FAM135B: variants seen among roughly 807,000 people sequenced by gnomAD.
FAM135B encodes the protein protein FAM135B.
A neutral mutation model predicts 127.7 loss-of-function variants in FAM135B; 43 were observed. The observed-to-expected ratio is 0.34, with a 90% CI of 0.26 to 0.43. FAM135B has a LOEUF of 0.43. FAM135B is among the 20% of genes least tolerant of loss of function. FAM135B has a pLI of 1.00. For missense variants in FAM135B, 1,558 were observed against 1,725.6 expected (o/e 0.90, Z 1.72); for synonymous variants, 670 against 665.1 (o/e 1.01, Z -0.11).
In FAM135B at chr8:138,152,796, T is replaced by C. The variant is rs1049797645; in HGVS notation, c.1679A>G (p.Asn560Ser). ...VLTYIDVKSS[N>S]KNPSRAEPLV... ...GGGTTCAGCTCTGGAGGGGTTCTTA[T>C]TGCTAGATTTTACGTCAATGTAGGT... The change falls in exon 13 of 20, where the codon AAT becomes AGT. Residue 560 changes from asparagine to serine, a missense_variant. Around this residue, in one of 5 missense-constraint regions of FAM135B, gnomAD observed 923 missense variants for 865.3 expected, o/e 1.07. Transcript: ENST00000395297. 4 of 1,614,184 alleles carry C rather than the reference T, an allele frequency of 2.5e-6. No homozygotes were observed. The highest frequency in any genetic ancestry group is 2.5e-6 in the Non-Finnish European group (3 of 1,180,036).
intron 1 of FAM135B, among the ~76,000 whole-genome samples, chr8:138,386,662 T>C (rs1832237615): frequency 6.6e-6 from 1 of 152,262 alleles, no homozygotes; most frequent in Non-Finnish European, 1.5e-5. Flanking sequence ...AACCTATTTT[T>C]GGCATGAATT....
chr8:138,472,026 C>T (rs1313465564), intron 1 of FAM135B, among the ~76,000 whole-genome samples: 1 of 151,960 alleles, frequency 6.6e-6, no homozygotes, highest in Non-Finnish European at 1.5e-5. Flanking sequence ...AATTAGAAGA[C>T]TGGTGATTTG....
intron 2 of FAM135B, among the ~76,000 whole-genome samples, chr8:138,323,699 T>C (rs796544770): frequency 3.3e-5 from 5 of 152,330 alleles, no homozygotes; most frequent in African/African-American, 1.2e-4. Context: ...CACTTCTTAC[T>C]GTGGGATCTG....
chr8:138,373,766 G>C (rs551031632), intron 1 of FAM135B, among the ~76,000 whole-genome samples: 1 of 152,122 alleles, frequency 6.6e-6, no homozygotes, highest in South Asian at 2.1e-4. Flanking sequence ...GTCTTCTATG[G>C]TCGAGACTGT....
intron 12 of FAM135B, among the ~76,000 whole-genome samples, chr8:138,167,339 G>A (rs377065623): frequency 3.3e-5 from 5 of 152,118 alleles, no homozygotes; most frequent in East Asian, 1.9e-4. Context: ...GGGATTACAG[G>A]TGTCCGCCAC....
intron 3 of FAM135B, among the ~76,000 whole-genome samples, chr8:138,291,488 A>C (rs1338305800): frequency 6.6e-6 from 1 of 152,174 alleles, no homozygotes; most frequent in African/African-American, 2.4e-5. Context: ...AAGGCCATCC[A>C]AGAAAAAAAT....
At chr8:138,356,218 G>A (rs1272694362) in intron 2 of FAM135B, among the ~76,000 whole-genome samples, 1 of 151,944 alleles carries the variant, frequency 6.6e-6, no homozygotes, top group Non-Finnish European at 1.5e-5. Context: ...AGCACAAAAG[G>A]ACTAAAATGG....
chr8:138,353,014 T>C (rs917562206), intron 2 of FAM135B, among the ~76,000 whole-genome samples: 4 of 152,138 alleles, frequency 2.6e-5, no homozygotes, highest in African/African-American at 9.7e-5. Context: ...AGGCAATGCC[T>C]CTCCCTGCTA....
intron 1 of FAM135B, among the ~76,000 whole-genome samples, chr8:138,402,572 G>A (rs997445231): frequency 6.6e-6 from 1 of 152,100 alleles, no homozygotes; most frequent in South Asian, 2.1e-4. Flanking sequence ...TCACCTCTAT[G>A]CAGAGAAGTA....
At position 138,130,756 on chromosome 8, in the gene FAM135B, C is replaced by T. The variant is rs1429379149; in HGVS notation, c.*1837G>A. On this transcript the variant is annotated 3_prime_UTR_variant, in exon 20 of 20. Transcript: ENST00000395297. ...GCACGACTAGGGAACAAATGTCTCC[C>T]AGGTTACAGAGCAAATACAGCACTC... is the stretch of plus-strand genomic sequence containing the variant. 1 of 152,200 alleles carries T rather than the reference C, an allele frequency of 6.6e-6. No individual in the cohort carries two copies. Among genetic ancestry groups the T allele is most frequent in the African/African-American group, 2.4e-5 (1 of 41,438 alleles). The allele number at this position is 152,200 out of a possible 1,614,324, so 9.4% of individuals were successfully genotyped here. A position where few individuals can be genotyped will look rare whatever the true frequency, so the allele number is the denominator to read the frequency against.
At chr8:138,183,645 G>A (rs541468927) in intron 9 of FAM135B, among the ~76,000 whole-genome samples, 3 of 152,280 alleles carry the variant, frequency 2.0e-5, no homozygotes, top group South Asian at 4.1e-4. Flanking sequence ...TTTTCCTTCC[G>A]ATGTTCAAGG....
chr8:138,346,967 C>T (rs1030159498), intron 2 of FAM135B, among the ~76,000 whole-genome samples: 10 of 151,988 alleles, frequency 6.6e-5, no homozygotes, highest in South Asian at 2.1e-4. Flanking sequence ...TTTAGAAGCC[C>T]GAGAAAAAGA....
intron 19 of FAM135B, among the ~76,000 whole-genome samples, chr8:138,133,241 G>C (rs1459862588): frequency 6.6e-6 from 1 of 152,180 alleles, no homozygotes; most frequent in Non-Finnish European, 1.5e-5. Flanking sequence ...AAGCCATGTG[G>C]CATTTCACCC....
At chr8:138,179,882 T>G (rs1322379749) in intron 9 of FAM135B, among the ~76,000 whole-genome samples, 1 of 152,104 alleles carries the variant, frequency 6.6e-6, no homozygotes, top group Admixed American at 6.6e-5. Flanking sequence ...GGTCTCACTG[T>G]GTTGCCCAGG....
intron 12 of FAM135B, 110 bp downstream of exon 12, chr8:138,167,785 C>T: frequency 7.9e-7 from 1 of 1,268,844 alleles, no homozygotes; most frequent in Non-Finnish European, 1.1e-6. Flanking sequence ...CTGACATAAT[C>T]CTTCATTAAT....
intron 3 of FAM135B, among the ~76,000 whole-genome samples, chr8:138,271,955 A>G (rs1823412637): frequency 6.6e-6 from 1 of 151,400 alleles, no homozygotes; most frequent in East Asian, 1.9e-4. Context: ...AAATTGTTAC[A>G]TCCTCAATGT....
intron 1 of FAM135B, chr8:138,437,373 G>T (rs1835510922): frequency 6.6e-6 from 1 of 152,152 alleles, no homozygotes; most frequent in African/African-American, 2.4e-5. Flanking sequence ...CATGGGGGCA[G>T]TTACTCTCAT....
At chr8:138,395,577 C>T (rs1016707092) in intron 1 of FAM135B, among the ~76,000 whole-genome samples, 1 of 152,176 alleles carries the variant, frequency 6.6e-6, no homozygotes, top group African/African-American at 2.4e-5. Flanking sequence ...TTAATTTAGT[C>T]TTTCTAGGTC....
At chr8:138,472,961 T>C (rs932473675) in intron 1 of FAM135B, among the ~76,000 whole-genome samples, 4 of 152,292 alleles carry the variant, frequency 2.6e-5, no homozygotes, top group African/African-American at 9.6e-5. Context: ...ATATAAGTCC[T>C]GCACATCCAT....
Sources: gnomAD v4.1 joint callset for allele counts (sites outside exome capture counted in the v4.1 genomes callset) on GRCh38, gnomAD v4.1.1 for gene constraint, gnomAD v4.1.1 regional missense constraint, MANE v1.5 for transcripts, NCBI Gene and HGNC (gene_info 2026-07-23, HGNC 2026-07-21) for gene names.